Variants in WWP2 observed in about 807,000 individuals in gnomAD.
WWP2 encodes the protein NEDD4-like E3 ubiquitin-protein ligase WWP2.
In WWP2, 57 loss-of-function variants were observed where a neutral mutation model predicts 121.0. The observed-to-expected ratio is 0.47, with a 90% CI of 0.38 to 0.59. The LOEUF is 0.59. WWP2 is among the 20% of genes least tolerant of loss of function. WWP2 has a pLI of 0.00. For missense variants in WWP2, 962 were observed against 1,158.9 expected, an observed-to-expected ratio of 0.83 and a Z score of 2.47; for synonymous variants, 449 against 441.3, an observed-to-expected ratio of 1.02 and a Z score of -0.22.
chr16:69,899,584 G>C (rs1457767319), intron 8 of WWP2, among the ~76,000 whole-genome samples: 1 of 152,000 alleles, frequency 6.6e-6, no homozygotes, highest in African/African-American at 2.4e-5. Context: ...ACAAAAATTA[G>C]CCAGGTGTAT....
At chr16:69,829,948 G>C (rs1397266301) in intron 4 of WWP2, among the ~76,000 whole-genome samples, 1 of 118,762 alleles carries the variant, frequency 8.4e-6, no homozygotes, top group South Asian at 2.9e-4. Flanking sequence ...ACGCCACTGC[G>C]CCCAGCTAAT....
chr16:69,902,367 A>C (rs1375377379), intron 8 of WWP2, among the ~76,000 whole-genome samples: 1 of 152,200 alleles, frequency 6.6e-6, no homozygotes, highest in African/African-American at 2.4e-5. Context: ...CATCAGTGCA[A>C]AGGTAATTTA....
chr16:69,929,581 C>A, intron 12 of WWP2, 52 bp downstream of exon 12: 1 of 1,521,762 alleles, frequency 6.6e-7, no homozygotes, highest in Non-Finnish European at 9.1e-7. Context: ...CTCTGTGCAG[C>A]TCCAGCACTG....
intron 7 of WWP2, among the ~76,000 whole-genome samples, chr16:69,881,180 C>T (rs1369763374): frequency 1.3e-5 from 2 of 152,178 alleles, no homozygotes; most frequent in South Asian, 2.1e-4. Context: ...CCCCACTTTC[C>T]CGGTCCTTGA....
chr16:69,932,010 A>G, intron 16 of WWP2, 120 bp downstream of exon 16: 1 of 985,048 alleles, frequency 1.0e-6, no homozygotes, highest in East Asian at 2.5e-5. Context: ...ATGCATCTTC[A>G]GGAATGGGCA....
intron 23 of WWP2, 59 bp from the exon 24 acceptor site, chr16:69,939,782 G>A: frequency 1.3e-6 from 2 of 1,493,114 alleles, no homozygotes; most frequent in Non-Finnish European, 1.8e-6. Flanking sequence ...CAGGCATGGT[G>A]GGGCTATCAG....
chr16:69,844,639 C>T (rs1045063873), intron 6 of WWP2, among the ~76,000 whole-genome samples: 8 of 152,184 alleles, frequency 5.3e-5, no homozygotes, highest in Non-Finnish European at 1.0e-4. Context: ...ACCAGGTCAT[C>T]GGTGTTGCAG....
intron 7 of WWP2, among the ~76,000 whole-genome samples, chr16:69,883,398 G>GCA (rs1025261580): frequency 3.1e-5 from 3 of 96,166 alleles, no homozygotes; most frequent in South Asian, 3.0e-4. Context: ...CTAAGAATGT[G>GCA]CGCACACACA....
chr16:69,784,095 T>C (rs4609837), intron 1 of WWP2, among the ~76,000 whole-genome samples: 250 of 59,130 alleles, frequency 4.2e-3, no homozygotes, highest in South Asian at 0.019. Context: ...TTCTTTCTTT[T>C]TTTTTTTTTT....
chr16:69,907,547 G>A (rs1175709476), intron 8 of WWP2, among the ~76,000 whole-genome samples: 1 of 152,150 alleles, frequency 6.6e-6, no homozygotes, highest in African/African-American at 2.4e-5. Flanking sequence ...TTGAGAAAGT[G>A]GTAAGCATTA....
chr16:69,914,459 G>A lies in WWP2; in HGVS notation c.1005-3250G>A, dbSNP rs72785067. ...TGTAGAGCAGGACCTTCACAATTCC[G>A]ATGGAAAATGATTTCCTGCCGGGCA... On this transcript the variant is annotated intron_variant, in intron 9 of 23. Coordinates refer to ENST00000359154, the MANE Select transcript of WWP2 (RefSeq NM_001270454.2). Among the ~76,000 whole-genome samples the A allele has an allele frequency of 9.2e-3, 1,406 of 152,142 alleles. 24 individuals carry two copies. Among genetic ancestry groups the A allele is most frequent in the African/African-American group, 0.03 (1,247 of 41,486 alleles).
intron 6 of WWP2, among the ~76,000 whole-genome samples, chr16:69,864,842 C>G (rs944964595): frequency 1.1e-4 from 17 of 151,974 alleles, no homozygotes; most frequent in African/African-American, 4.1e-4. Context: ...AAACTCCTGA[C>G]TTGAAGCAAT....
intron 4 of WWP2, among the ~76,000 whole-genome samples, chr16:69,830,193 G>T (rs961409539): frequency 6.6e-6 from 1 of 152,136 alleles, no homozygotes; most frequent in Non-Finnish European, 1.5e-5. Context: ...GCGCTCAGGC[G>T]ATCTCTCTGC....
At position 69,937,036 on chromosome 16, in the gene WWP2, G is replaced by T; in HGVS notation, c.2118-82G>T. The stretch of plus-strand genomic sequence containing the variant: ...CTCTGCTGATCTGGTGGTCCTGCGC[G>T]GTAACGGCCACGCGGCCTGGCCGGG... On this transcript the variant is annotated intron_variant, in intron 19 of 23. Transcript: ENST00000359154. The surrounding 1 kb of genome is among the most constrained non-coding windows in gnomAD (Gnocchi z 6.6). 1.9e-6 allele frequency: 3 copies of T among 1,545,142 alleles called. No homozygotes were observed. The highest frequency in any genetic ancestry group is 1.7e-6 in the Non-Finnish European group (2 of 1,143,396).
At chr16:69,906,347 C>T (rs1459276098) in intron 8 of WWP2, among the ~76,000 whole-genome samples, 1 of 152,152 alleles carries the variant, frequency 6.6e-6, no homozygotes, top group Non-Finnish European at 1.5e-5. Context: ...GCTGGGATTA[C>T]AGGTGTCAGC....
chr16:69,822,952 C>G (rs1015338923), intron 4 of WWP2, among the ~76,000 whole-genome samples: 3 of 152,160 alleles, frequency 2.0e-5, no homozygotes, highest in Non-Finnish European at 4.4e-5. Context: ...GCCTGGCCAA[C>G]ATGACAAAGC....
chr16:69,835,308 C>T (rs554302077), intron 4 of WWP2, among the ~76,000 whole-genome samples: 1 of 152,302 alleles, frequency 6.6e-6, no homozygotes, highest in South Asian at 2.1e-4. Flanking sequence ...TTACGCCTTT[C>T]AGCCTCCCCT....
chr16:69,817,035 A>G (rs2056506228), intron 4 of WWP2, among the ~76,000 whole-genome samples: 1 of 152,186 alleles, frequency 6.6e-6, no homozygotes, highest in African/African-American at 2.4e-5. Context: ...GAAGGTTAAA[A>G]TCATTTGGAA....
chr16:69,884,585 G>A (rs934377822), intron 7 of WWP2, among the ~76,000 whole-genome samples: 6 of 152,110 alleles, frequency 3.9e-5, no homozygotes, highest in Non-Finnish European at 7.4e-5. Flanking sequence ...CCATAATTGT[G>A]CCACTGCACT....
Sources: gnomAD v4.1 joint callset for allele counts (sites outside exome capture counted in the v4.1 genomes callset) on GRCh38, gnomAD v4.1.1 for gene constraint, Gnocchi (gnomAD v3.1) non-coding constraint, MANE v1.5 for transcripts, NCBI Gene and HGNC (gene_info 2026-07-23, HGNC 2026-07-21) for gene names.